Variants in NBPF12 observed in about 807,000 individuals in gnomAD.
The protein encoded by NBPF12 is NBPF member 12.
Under a neutral mutation model 146.4 loss-of-function variants are expected in NBPF12, and 115 were observed. The observed-to-expected ratio is 0.79, with a 90% CI of 0.68 to 0.92. The LOEUF (loss-of-function observed/expected upper bound fraction) is 0.92. NBPF12 is among the 40% of genes least tolerant of loss of function. NBPF12 has a pLI of 0.00. For synonymous variants in NBPF12, 385 were observed against 508.9 expected (o/e 0.76, Z 3.28); for missense variants, 1,205 against 1,326.8 (o/e 0.91, Z 1.43).
intron 19 of NBPF12, among the ~76,000 whole-genome samples, chr1:146,980,379 C>T (rs1553887828): frequency 0.052 from 7,935 of 152,098 alleles, 286 homozygotes; most frequent in Non-Finnish European, 0.075. Context: ...GGTTATTTCA[C>T]CCGTTAGTTG....
At chr1:146,965,648 T>C (rs1656142630) in intron 8 of NBPF12, among the ~76,000 whole-genome samples, 2 of 146,180 alleles carry the variant, frequency 1.4e-5, no homozygotes, top group Non-Finnish European at 3.0e-5. Flanking sequence ...AAAAATTAGC[T>C]GGGCGCGGTG....
intron 2 of NBPF12, among the ~76,000 whole-genome samples, chr1:146,955,009 TATATAC>T (rs1283089951): frequency 6.4e-5 from 5 of 77,928 alleles, no homozygotes; most frequent in Non-Finnish European, 1.2e-4. Context: ...TATATATATA[TATATAC>T]ACACACACAC....
upstream of NBPF12, among the ~76,000 whole-genome samples, chr1:146,948,811 C>A (rs1156533036): frequency 6.6e-6 from 1 of 151,204 alleles, no homozygotes; most frequent in Non-Finnish European, 1.5e-5. Flanking sequence ...GCGTCTGTCT[C>A]CTGCTCATCC....
chr1:146,962,299 G>A, intron 5 of NBPF12, 36 bp downstream of exon 8: 2 of 1,547,444 alleles, frequency 1.3e-6, no homozygotes, highest in Non-Finnish European at 8.8e-7. Flanking sequence ...AGGCGGGTAG[G>A]TGTGTAGATC....
intron 14 of NBPF12, among the ~76,000 whole-genome samples, chr1:146,973,915 T>C (rs1413775337): frequency 1.3e-5 from 2 of 150,700 alleles, no homozygotes; most frequent in African/African-American, 4.9e-5. Context: ...CGAGAATGTG[T>C]GGAGGTAGCA....
intron 10 of NBPF12, among the ~76,000 whole-genome samples, chr1:146,969,073 C>G (rs1198211937): frequency 6.6e-6 from 1 of 151,360 alleles, no homozygotes; most frequent in Non-Finnish European, 1.5e-5. Context: ...TGGAAATGTC[C>G]ATGGCCAGAG....
At chr1:146,946,220 G>A (rs1363221194), upstream of NBPF12, among the ~76,000 whole-genome samples, 40 of 151,218 alleles carry the variant, frequency 2.6e-4, 1 homozygote, top group African/African-American at 9.5e-4. Flanking sequence ...TCCAAGTTTT[G>A]ACAATTATGA....
intron 14 of NBPF12, among the ~76,000 whole-genome samples, chr1:146,974,537 C>T: frequency 8.2e-6 from 1 of 121,802 alleles, no homozygotes; most frequent in East Asian, 2.4e-4. Flanking sequence ...CCTTGAGGTT[C>T]TCTTTCTTCA....
chr1:146,972,561 C>A (rs1553886706), intron 13 of NBPF12, among the ~76,000 whole-genome samples, 190 bp from the exon 17 acceptor site: 16,389 of 151,006 alleles, frequency 0.11, 1,047 homozygotes, highest in East Asian at 0.21. Flanking sequence ...GTCCTGGTTT[C>A]AAGGTGACTG....
At chr1:146,970,620 A>G (rs1194087227) in intron 11 of NBPF12, 27 bp from the exon 15 acceptor site, 3 of 1,567,382 alleles carry the variant, frequency 1.9e-6, no homozygotes, top group African/African-American at 2.7e-5. Context: ...AGTGGAAAAT[A>G]TCTGAACGAA....
At chr1:146,954,960 C>A (rs2101831951) in intron 2 of NBPF12, among the ~76,000 whole-genome samples, 5 of 82,598 alleles carry the variant, frequency 6.1e-5, no homozygotes, top group Admixed American at 3.3e-4. Flanking sequence ...TTATCATCTC[C>A]AAATAGGGAA....
chr1:146,994,399 T>G, exon 34 of NBPF12: 2 of 1,612,354 alleles, frequency 1.2e-6, no homozygotes, highest in Non-Finnish European at 1.7e-6. Context: ...TAGATGTTAT[T>G]CGACTCCATC....
At chr1:146,959,198 G>A (rs1255362588) in intron 2 of NBPF12, among the ~76,000 whole-genome samples, 1 of 89,972 alleles carries the variant, frequency 1.1e-5, no homozygotes, top group African/African-American at 4.0e-5. Context: ...GAAGTCGGCC[G>A]TGTGCGGTGG....
At chr1:146,972,071 G>C (rs1656670454) in intron 13 of NBPF12, among the ~76,000 whole-genome samples, 1 of 141,210 alleles carries the variant, frequency 7.1e-6, no homozygotes, top group African/African-American at 2.8e-5. Flanking sequence ...CTGGGAGACA[G>C]AGCGAGACTC....
chr1:146,961,999 AAGTC>A (rs1413969507), intron 4 of NBPF12, among the ~76,000 whole-genome samples, 158 bp from the exon 8 acceptor site: 2 of 152,022 alleles, frequency 1.3e-5, no homozygotes, highest in Non-Finnish European at 2.9e-5. Context: ...AGATGCCAGA[AAGTC>A]AGGAGACTGA....
Position 146,962,266 on chromosome 1 carries a change from G to A in NBPF12, c.278+3G>A. 9 of 1,603,092 alleles carry A rather than the reference G, an allele frequency of 5.6e-6. 1 individual carries two copies. The South Asian group carries it at 9.9e-5, about 18-fold the overall frequency. On this transcript the variant is annotated splice_donor_region_variant and intron_variant, in intron 5 of 33. Coordinates refer to ENST00000617844, the Ensembl canonical transcript of NBPF12. ...CTGAAACAAGCTGAGGAGCTCAGGT[G>A]AGGGGACCCCATGGGGGGAGGCAGG...
Position 146,963,050 on chromosome 1 carries a change from C to T in NBPF12, c.279-45C>T, listed in dbSNP as rs1163076589. The T allele has an allele frequency of 5.0e-6, 8 of 1,610,224 alleles. No homozygotes were observed. The African/African-American group carries it at 8.0e-5, about 16-fold the overall frequency. Reference sequence around the variant, plus strand: ...TCTGTTGCAATATTTGAACGGATCACTCAACGCTTTTCACTGTTAAATTTT... The same window carrying T: ...TCTGTTGCAATATTTGAACGGATCATTCAACGCTTTTCACTGTTAAATTTT... On this transcript the variant is annotated intron_variant, in intron 5 of 33. Transcript: ENST00000617844.
At position 146,969,613 on chromosome 1, in the gene NBPF12, C is replaced by T. The variant is rs1656443096; in HGVS notation, c.1306+17C>T. 12 of 1,609,224 alleles carry T rather than the reference C, an allele frequency of 7.5e-6. No homozygotes were observed. Among genetic ancestry groups the T allele is most frequent in the Non-Finnish European group, 1.0e-5 (12 of 1,178,444 alleles). On this transcript the variant is annotated intron_variant, in intron 11 of 33. Coordinates refer to ENST00000617844, the Ensembl canonical transcript of NBPF12. ...TCAGCCCAGGTAAGGTGGCCACAGG[C>T]CCTGATGACCCAAAACCCCAGGCTT...
rs1656102380 is a variant in NBPF12 at position 146,965,078 on chromosome 1, G to A, written c.752G>A (p.Cys251Tyr). The A allele has an allele frequency of 4.2e-5, 68 of 1,601,380 alleles. No individual in the cohort carries two copies. The South Asian group carries it at 6.5e-4, about 15-fold the overall frequency. Residue 251 changes from cysteine (C) to tyrosine (Y), a missense_variant, in exon 8 of 34, where the codon TGT (cysteine) becomes TAT (tyrosine). Around this residue, in one of 16 missense-constraint regions of NBPF12, gnomAD observed 325 missense variants for 236.6 expected, o/e 1.37. Coordinates refer to ENST00000617844, the Ensembl canonical transcript of NBPF12. The stretch of plus-strand genomic sequence containing the variant: ...GACAGAAAATCCTCTCATGATGAAT[G>A]TCAGGATGCTCTAAACATTCTCCCA...
Sources: gnomAD v4.1 joint callset for allele counts (sites outside exome capture counted in the v4.1 genomes callset) on GRCh38, gnomAD v4.1.1 for gene constraint, gnomAD v4.1.1 regional missense constraint, MANE v1.5 for transcripts, NCBI Gene and HGNC (gene_info 2026-07-23, HGNC 2026-07-21) for gene names.